The following NEDD4L variants were observed in gnomAD, a reference collection of about 807,000 sequenced individuals.
NEDD4L encodes the protein E3 ubiquitin-protein ligase NEDD4-like.
Under a neutral mutation model 148.9 loss-of-function variants are expected in NEDD4L, and 54 were observed. The ratio of observed to expected loss-of-function variants is 0.36; its 90% CI spans 0.29 to 0.45. The LOEUF is 0.45. NEDD4L is among the 20% of genes least tolerant of loss of function. NEDD4L has a pLI of 1.00. For synonymous variants in NEDD4L, 433 were observed against 440.7 expected (o/e 0.98, Z 0.22); for missense variants, 856 against 1,233.8 (o/e 0.69, Z 4.59).
intron 18 of NEDD4L, among the ~76,000 whole-genome samples, chr18:58,353,657 T>C (rs1028578139): frequency 1.3e-5 from 2 of 152,230 alleles, no homozygotes; most frequent in African/African-American, 4.8e-5. Context: ...TTGAAGAGGC[T>C]TTATCAGGCT....
At chr18:58,131,878 C>G (rs1024089341) in intron 1 of NEDD4L, among the ~76,000 whole-genome samples, 2 of 152,108 alleles carry the variant, frequency 1.3e-5, no homozygotes, top group Non-Finnish European at 2.9e-5. Context: ...GTGGGAAGAA[C>G]AGTTTAGGAT....
chr18:58,322,410 G>C lies in NEDD4L; in HGVS notation c.349-15G>C. 1.4e-6 allele frequency: 2 copies of C among 1,412,902 alleles called. No individual in the cohort carries two copies. Among genetic ancestry groups the C allele is most frequent in the Non-Finnish European group, 9.6e-7 (1 of 1,043,360 alleles). 87.5% of individuals were successfully genotyped at this position (1,412,902 alleles called of 1,614,324 possible). ...TAGGAATATTAAAATTTAATTTACT[G>C]TTTTTTCCCCACAGACAGAAGATCC... On this transcript the variant is annotated splice_polypyrimidine_tract_variant and intron_variant, in intron 6 of 30. Transcript: ENST00000400345.
At chr18:58,173,233 A>G (rs2037718164) in intron 2 of NEDD4L, among the ~76,000 whole-genome samples, 1 of 152,134 alleles carries the variant, frequency 6.6e-6, no homozygotes, top group Admixed American at 6.5e-5. Flanking sequence ...TTTAATTATG[A>G]TCAGTGGCTT....
chr18:58,186,604 A>C (rs117274566), intron 2 of NEDD4L, among the ~76,000 whole-genome samples: 83 of 152,346 alleles, frequency 5.4e-4, no homozygotes, highest in Non-Finnish European at 8.8e-4. Context: ...ATATGGCATA[A>C]TTAAATCATA....
rs551139038 is a variant in NEDD4L, at chr18:58,400,850, T to C, written c.*4581T>C. On this transcript the variant is annotated 3_prime_UTR_variant, in exon 31 of 31. Transcript: ENST00000400345. ...ACCTAGATTGTCACGGTTTCCTTCA[T>C]GTTAACTTTGCGTGACTTTGTTCTT... is the stretch of plus-strand genomic sequence containing the variant. 6.6e-5 allele frequency: 10 copies of C among 152,370 alleles called. No homozygotes were observed. Among genetic ancestry groups the C allele is most frequent in the Admixed American group, 5.9e-4 (9 of 15,306 alleles). The allele number at this position is 152,370 out of a possible 1,614,324, so 9.4% of individuals were successfully genotyped here. A position where few individuals can be genotyped will look rare whatever the true frequency, so the allele number is the denominator to read the frequency against.
At chr18:58,335,425 A>C (rs2041609485) in intron 12 of NEDD4L, 53 bp from the exon 13 acceptor site, 6 of 1,470,486 alleles carry the variant, frequency 4.1e-6, no homozygotes, top group Non-Finnish European at 5.7e-6. Context: ...TGATTCAGAC[A>C]GCAGGGGGTC....
At chr18:58,377,391 C>T (rs2047703938) in intron 24 of NEDD4L, among the ~76,000 whole-genome samples, 1 of 152,028 alleles carries the variant, frequency 6.6e-6, no homozygotes, top group Admixed American at 6.5e-5. Context: ...GTGTTTCAAC[C>T]TTCTTTTTTT....
intron 30 of NEDD4L, among the ~76,000 whole-genome samples, chr18:58,394,316 G>A (rs766481393): frequency 2.0e-5 from 3 of 152,216 alleles, no homozygotes; most frequent in Non-Finnish European, 4.4e-5. Flanking sequence ...GCATTAAGCA[G>A]CATGATTCAG....
Position 58,171,498 on chromosome 18 carries a change from G to T in NEDD4L, c.122+5637G>T, listed in dbSNP as rs1465086590. ...ACTGCTGCTCCTGGGGCTGTAGTGG[G>T]TGTACAAGTTCCCTCCTCCTACGGC... is the stretch of plus-strand genomic sequence containing the variant. On this transcript the variant is annotated intron_variant, in intron 2 of 30. Transcript: ENST00000400345. Among the ~76,000 whole-genome samples, 5 of 152,258 alleles carry T rather than the reference G, an allele frequency of 3.3e-5. 1 individual carries two copies. The highest frequency in any genetic ancestry group is 1.2e-4 in the African/African-American group (5 of 41,468).
chr18:58,078,473 G>GA (rs2083282158), intron 1 of NEDD4L, among the ~76,000 whole-genome samples: 1 of 152,158 alleles, frequency 6.6e-6, no homozygotes, highest in Non-Finnish European at 1.5e-5. Context: ...GGTGAGGGGG[G>GA]ACCGCTGAGG....
intron 1 of NEDD4L, among the ~76,000 whole-genome samples, chr18:58,114,555 C>T (rs930654158): frequency 2.6e-5 from 4 of 152,310 alleles, no homozygotes; most frequent in East Asian, 1.9e-4. Flanking sequence ...CATGCTGGAA[C>T]GTGAAGATGG....
chr18:58,167,963 AGTAGATTTAAG>A (rs1281175856), intron 2 of NEDD4L, among the ~76,000 whole-genome samples: 1 of 152,180 alleles, frequency 6.6e-6, no homozygotes, highest in Non-Finnish European at 1.5e-5. Context: ...AAGCCAGTTA[AGTAGATTTAAG>A]GTTGAATTTG....
rs1264050049 is a variant in NEDD4L, at chr18:58,343,043, G to A, written c.1515G>A (p.Met505Ile). Residue 505 changes from methionine to isoleucine, a missense_variant, in exon 16 of 31, where the codon ATG becomes ATA. Met to Ile is a conservative substitution (Grantham distance 10). Around this residue, in one of 4 missense-constraint regions of NEDD4L, gnomAD observed 367 missense variants for 422.7 expected, o/e 0.87. Transcript: ENST00000400345. The part of the protein sequence containing the change: ...TQSFLPPGWE[M>I]RIAPNGRPFF... The stretch of plus-strand genomic sequence containing the variant: ...GCTTCTTGCCACCCGGCTGGGAAAT[G>A]AGGATAGCGCCAAACGGCCGGCCCT... 1 of 1,613,510 alleles carries A rather than the reference G, an allele frequency of 6.2e-7. No individual in the cohort carries two copies. The highest frequency in any genetic ancestry group is 1.7e-5 in the Admixed American group (1 of 59,996).
At chr18:58,351,242 A>G in intron 18 of NEDD4L, 197 bp downstream of exon 18, 1 of 900,174 alleles carries the variant, frequency 1.1e-6, no homozygotes, top group African/African-American at 1.8e-5. Context: ...TAGCCCATCA[A>G]ACTTTCACCC....
intron 5 of NEDD4L, among the ~76,000 whole-genome samples, chr18:58,269,507 T>C (rs2050713870): frequency 6.6e-6 from 1 of 152,112 alleles, no homozygotes. Flanking sequence ...GGTTTAACTC[T>C]TAATGGAATA....
Position 58,129,022 on chromosome 18 carries a change from G to C in NEDD4L, c.49-36766G>C, listed in dbSNP as rs573425506. 2.0e-5 allele frequency among the ~76,000 whole-genome samples: 3 copies of C among 152,316 alleles called. No homozygotes were observed. The East Asian group carries it at 5.8e-4, about 29-fold the overall frequency. ...CCTTGCATAGGGGTCACATTTTCCAGCATTTGTTTTCAAAATGGAAATCCA... is the reference window on the plus strand; with the variant it reads ...CCTTGCATAGGGGTCACATTTTCCACCATTTGTTTTCAAAATGGAAATCCA... On this transcript the variant is annotated intron_variant, in intron 1 of 30. Coordinates refer to ENST00000400345, the MANE Select transcript of NEDD4L (RefSeq NM_001144967.3).
At chr18:58,144,080 A>G (rs926916468) in intron 1 of NEDD4L, among the ~76,000 whole-genome samples, 1 of 151,336 alleles carries the variant, frequency 6.6e-6, no homozygotes, top group Non-Finnish European at 1.5e-5. Flanking sequence ...CACACACATT[A>G]CTTCATGACT....
chr18:58,347,620 GATT>G, intron 16 of NEDD4L, among the ~76,000 whole-genome samples: 1 of 152,270 alleles, frequency 6.6e-6, no homozygotes, highest in East Asian at 1.9e-4. Flanking sequence ...CAGAATACTG[GATT>G]ATTTTGTGCC....
chr18:58,330,938 G>A, intron 11 of NEDD4L, 24 bp downstream of exon 11: 1 of 1,608,146 alleles, frequency 6.2e-7, no homozygotes, highest in Non-Finnish European at 8.5e-7. Flanking sequence ...TTGTTTGAAA[G>A]AAAAGCTGAG....
Sources: allele counts gnomAD v4.1 joint callset (sites outside exome capture counted in the v4.1 genomes callset), GRCh38; gene constraint gnomAD v4.1.1; regional missense constraint gnomAD v4.1.1; transcripts MANE v1.5; gene names NCBI Gene and HGNC (gene_info 2026-07-23, HGNC 2026-07-21).